FGD5: variants seen among roughly 807,000 people sequenced by gnomAD.
FGD5 encodes the protein FYVE, RhoGEF and PH domain containing 5.
FGD5 carries 28 observed loss-of-function variants against 133.4 expected under a neutral mutation model. That is an observed-to-expected ratio of 0.21 (90% CI 0.16 to 0.29). FGD5 has a LOEUF of 0.29. Ranked by LOEUF, FGD5 falls within the 10% of genes least tolerant of loss-of-function variation. The probability of loss-of-function intolerance (pLI) is 1.00; values close to 1 mark genes in which losing one functional copy is unlikely to be tolerated. For missense variants in FGD5, 1,858 were observed against 1,895.2 expected (o/e 0.98, Z 0.36); for synonymous variants, 810 against 776.5 (o/e 1.04, Z -0.72).
intron 1 of FGD5, among the ~76,000 whole-genome samples, chr3:14,829,823 CTGTCAG>C (rs2036672025): frequency 6.6e-6 from 1 of 152,212 alleles, no homozygotes; most frequent in Non-Finnish European, 1.5e-5. Flanking sequence ...TCCTCCCCAC[CTGTCAG>C]TGCACCCCCA....
chr3:14,824,979 A>C, intron 1 of FGD5, among the ~76,000 whole-genome samples: 1 of 152,194 alleles, frequency 6.6e-6, no homozygotes, highest in Admixed American at 6.5e-5. Context: ...TACCTGGCAA[A>C]ACCAGAAGAA....
At chr3:14,909,811 AG>A (rs2038413505) in intron 10 of FGD5, among the ~76,000 whole-genome samples, 1 of 142,564 alleles carries the variant, frequency 7.0e-6, no homozygotes, top group Non-Finnish European at 1.5e-5. Flanking sequence ...CCCAGACTGG[AG>A]TGCAGAGTTC....
upstream of FGD5, among the ~76,000 whole-genome samples, chr3:14,814,661 G>T (rs2036342739): frequency 6.6e-6 from 1 of 152,122 alleles, no homozygotes; most frequent in South Asian, 2.1e-4. Flanking sequence ...CCATCTCTAT[G>T]ATGGTGACCT....
Position 14,917,727 on chromosome 3 carries a change from C to A in FGD5, c.3489+395C>A, listed in dbSNP as rs2038586843. 6.6e-6 allele frequency among the ~76,000 whole-genome samples: 1 copy of A among 152,176 alleles called. No homozygotes were observed. The highest frequency in any genetic ancestry group is 2.1e-4 in the South Asian group (1 of 4,832). ...TTTTTAAATGTACAGTTCTGTGGCA[C>A]TAAGCACATTTACATTGCTGTGTAT... On this transcript the variant is annotated intron_variant, in intron 12 of 19. Coordinates refer to ENST00000285046, the MANE Select transcript of FGD5 (RefSeq NM_152536.4). This position sits in a 1 kb window ranked among gnomAD's most constrained non-coding sequence, Gnocchi z 4.1.
At chr3:14,911,905 T>G (rs937005360) in intron 11 of FGD5, among the ~76,000 whole-genome samples, 1 of 151,004 alleles carries the variant, frequency 6.6e-6, no homozygotes, top group African/African-American at 2.4e-5. Flanking sequence ...TGCTCAGTGT[T>G]TCATATGTTT....
intron 2 of FGD5, among the ~76,000 whole-genome samples, chr3:14,866,295 G>T (rs972365737): frequency 5.3e-5 from 8 of 152,158 alleles, no homozygotes; most frequent in African/African-American, 1.9e-4. Context: ...CATACAATAG[G>T]GGTGTAGTAA....
At chr3:14,834,136 G>T (rs2036771356) in intron 1 of FGD5, among the ~76,000 whole-genome samples, 1 of 152,180 alleles carries the variant, frequency 6.6e-6, no homozygotes, top group Non-Finnish European at 1.5e-5. Flanking sequence ...AGATTGTCAT[G>T]GTGGATAGAA....
upstream of FGD5, among the ~76,000 whole-genome samples, chr3:14,817,081 C>T (rs1183446866): frequency 6.6e-6 from 1 of 152,034 alleles, no homozygotes; most frequent in Non-Finnish European, 1.5e-5. Flanking sequence ...AGATTTGGGA[C>T]ACTTAGTATG....
intron 4 of FGD5, among the ~76,000 whole-genome samples, chr3:14,885,533 G>T (rs2037910564): frequency 6.6e-6 from 1 of 152,188 alleles, no homozygotes; most frequent in Non-Finnish European, 1.5e-5. Flanking sequence ...CGGGCCTTCG[G>T]CTCCCTACAT....
intron 4 of FGD5, among the ~76,000 whole-genome samples, chr3:14,892,453 C>G (rs1285528415): frequency 6.6e-6 from 1 of 152,132 alleles, no homozygotes; most frequent in Non-Finnish European, 1.5e-5. Context: ...CCCGTGTTGG[C>G]CTTTGAAGGT....
chr3:14,826,671 G>C lies in FGD5; in HGVS notation c.2525+5075G>C, dbSNP rs576987158. Among the ~76,000 whole-genome samples the C allele has an allele frequency of 2.0e-5, 3 of 152,324 alleles. No individual in the cohort carries two copies. The East Asian group carries it at 5.8e-4, about 29-fold the overall frequency. ...TAAGTGACATGACCGAGGTCACATA[G>C]TGGTGGATGCAGGATTTGAATTTGA... On this transcript the variant is annotated intron_variant, in intron 1 of 19. Transcript: ENST00000285046.
intron 2 of FGD5, among the ~76,000 whole-genome samples, chr3:14,866,299 G>A (rs1306094726): frequency 1.3e-5 from 2 of 152,170 alleles, no homozygotes; most frequent in African/African-American, 2.4e-5. Context: ...CAATAGGGGT[G>A]TAGTAATTAT....
Position 14,821,490 on chromosome 3 carries a change from C to G in FGD5, c.2419C>G (p.Gln807Glu), listed in dbSNP as rs1364196835. ...AGAFTKLFED[Q>E]SRALSTANEN... Reference sequence around the variant, plus strand: ...CGCGTTCACGAAGCTGTTTGAAGATCAGAGCAGAGCCCTGTCCACAGCAAA... The same window carrying G: ...CGCGTTCACGAAGCTGTTTGAAGATGAGAGCAGAGCCCTGTCCACAGCAAA... The change falls in exon 1 of 20, where the codon CAG becomes GAG. Residue 807 changes from glutamine (Q) to glutamate (E), a missense_variant. By Grantham distance (29) the Gln-to-Glu change is conservative. Around this residue, in one of 3 missense-constraint regions of FGD5, gnomAD observed 1,824 missense variants for 1,848.9 expected, o/e 0.99. Coordinates refer to ENST00000285046, the MANE Select transcript of FGD5 (RefSeq NM_152536.4). 6.2e-7 allele frequency: 1 copy of G among 1,614,000 alleles called. No individual in the cohort carries two copies. The highest frequency in any genetic ancestry group is 1.7e-5 in the Admixed American group (1 of 60,024).
chr3:14,873,411 G>A (rs2037648431), intron 2 of FGD5, among the ~76,000 whole-genome samples: 3 of 152,214 alleles, frequency 2.0e-5, no homozygotes, highest in Non-Finnish European at 4.4e-5. Flanking sequence ...TTGGAAGAGA[G>A]CAGGACGTAG....
intron 8 of FGD5, 49 bp from the exon 9 acceptor site, chr3:14,900,954 T>C: frequency 6.2e-7 from 1 of 1,608,158 alleles, no homozygotes; most frequent in Non-Finnish European, 8.5e-7. Context: ...TGGGGAAAAT[T>C]GATGCCCCTC....
upstream of FGD5, among the ~76,000 whole-genome samples, chr3:14,817,563 C>T (rs1167612523): frequency 6.6e-6 from 1 of 152,192 alleles, no homozygotes; most frequent in Non-Finnish European, 1.5e-5. Context: ...ACATGTGGCT[C>T]ACATTCCAGG....
intron 2 of FGD5, among the ~76,000 whole-genome samples, chr3:14,866,461 C>T (rs1338123834): frequency 1.3e-5 from 2 of 152,070 alleles, no homozygotes; most frequent in African/African-American, 4.8e-5. Flanking sequence ...TGCTTGGACA[C>T]TCCCAGGACT....
rs2038942887 is a variant in FGD5, at chr3:14,934,091, A to C, written c.*924A>C. 6.6e-6 allele frequency: 1 copy of C among 152,226 alleles called. No homozygotes were observed. Among genetic ancestry groups the C allele is most frequent in the African/African-American group, 2.4e-5 (1 of 41,444 alleles). 9.4% of individuals were successfully genotyped at this position (152,226 alleles called of 1,614,324 possible). ...GTTTATGGGAATCTATCCTTCTTTTAGACACACGGTAATCCTTGGGCTGTA... is the reference window on the plus strand; with the variant it reads ...GTTTATGGGAATCTATCCTTCTTTTCGACACACGGTAATCCTTGGGCTGTA... On this transcript the variant is annotated 3_prime_UTR_variant, in exon 20 of 20. Transcript: ENST00000285046.
intron 2 of FGD5, among the ~76,000 whole-genome samples, chr3:14,865,341 A>G (rs1331894014): frequency 6.6e-6 from 1 of 152,232 alleles, no homozygotes; most frequent in Non-Finnish European, 1.5e-5. Context: ...GACACTTACC[A>G]AGCATTGGCC....
Sources: gnomAD v4.1 joint callset for allele counts (sites outside exome capture counted in the v4.1 genomes callset) on GRCh38, gnomAD v4.1.1 for gene constraint, gnomAD v4.1.1 regional missense constraint, Gnocchi (gnomAD v3.1) non-coding constraint, MANE v1.5 for transcripts, NCBI Gene and HGNC (gene_info 2026-07-23, HGNC 2026-07-21) for gene names.